Variants in CFAP210 observed in about 807,000 individuals in gnomAD.
CFAP210 encodes cilia and flagella associated protein 210.
At chr2:169,664,820 C>T in the CFAP210 span, among the ~76,000 whole-genome samples, 10 of 152,178 alleles carry the variant, frequency 6.6e-5, no homozygotes, top group Non-Finnish European at 1.3e-4. Context: ...TCCTTGCTAT[C>T]CTTGATTCAC....
chr2:169,669,439 A>G, the CFAP210 span, among the ~76,000 whole-genome samples: 3 of 152,222 alleles, frequency 2.0e-5, no homozygotes, highest in Non-Finnish European at 2.9e-5. Context: ...TCATCTTGAT[A>G]AAATATCTCT....
the CFAP210 span, among the ~76,000 whole-genome samples, chr2:169,655,832 C>G: frequency 0.24 from 36,722 of 152,038 alleles, 4,645 homozygotes; most frequent in Non-Finnish European, 0.27. Context: ...TTAAAATTTT[C>G]ATAGCTAAAA....
chr2:169,686,373 G>GT, the CFAP210 span, among the ~76,000 whole-genome samples: 1 of 152,184 alleles, frequency 6.6e-6, no homozygotes, highest in Admixed American at 6.5e-5. Context: ...TGTGTTGAAT[G>GT]TGTAGATCAA....
the CFAP210 span, among the ~76,000 whole-genome samples, chr2:169,688,867 C>T: frequency 6.6e-6 from 1 of 152,228 alleles, no homozygotes; most frequent in East Asian, 1.9e-4. Flanking sequence ...TTTCAGTTAT[C>T]TTTTCAGCAA....
At chr2:169,654,399 A>G in the CFAP210 span, among the ~76,000 whole-genome samples, 1 of 152,232 alleles carries the variant, frequency 6.6e-6, no homozygotes, top group South Asian at 2.1e-4. Flanking sequence ...AATTTATCTC[A>G]AAGTTATTTA....
chr2:169,674,566 G>T, the CFAP210 span: 1 of 1,572,694 alleles, frequency 6.4e-7, no homozygotes, highest in South Asian at 1.2e-5. Context: ...GGTATTTTAT[G>T]TATACATACT....
At chr2:169,688,031 C>T in the CFAP210 span, among the ~76,000 whole-genome samples, 1 of 152,354 alleles carries the variant, frequency 6.6e-6, no homozygotes, top group South Asian at 2.1e-4. Flanking sequence ...ACAGCATGAG[C>T]TCTACATTGG....
the CFAP210 span, among the ~76,000 whole-genome samples, chr2:169,693,434 T>G: frequency 3.3e-5 from 5 of 152,356 alleles, no homozygotes; most frequent in African/African-American, 1.2e-4. Context: ...GCTAACCTCA[T>G]AAAACCTCCA....
At chr2:169,688,305 C>T in the CFAP210 span, among the ~76,000 whole-genome samples, 2 of 152,176 alleles carry the variant, frequency 1.3e-5, no homozygotes, top group Non-Finnish European at 2.9e-5. Context: ...ACTGGTTTTT[C>T]TTTTCTATTG....
At chr2:169,669,206 G>A in the CFAP210 span, among the ~76,000 whole-genome samples, 6,950 of 152,192 alleles carry the variant, frequency 0.046, 544 homozygotes, top group African/African-American at 0.16. Flanking sequence ...AGACCATAGA[G>A]AAAACATGAG....
chr2:169,655,435 T>C, the CFAP210 span, among the ~76,000 whole-genome samples: 36,741 of 152,208 alleles, frequency 0.24, 4,653 homozygotes, highest in Non-Finnish European at 0.27. Context: ...TATGGGTTAA[T>C]TTTAAAAGCC....
chr2:169,660,891 C>T, the CFAP210 span: 1 of 371,466 alleles, frequency 2.7e-6, no homozygotes, highest in South Asian at 2.2e-5. Flanking sequence ...GCATGAGCCA[C>T]TACGCCTGGC....
the CFAP210 span, among the ~76,000 whole-genome samples, chr2:169,648,826 C>G: frequency 6.6e-6 from 1 of 152,148 alleles, no homozygotes; most frequent in African/African-American, 2.4e-5. Context: ...TCTGATATCT[C>G]CATTCCTCAA....
At chr2:169,661,401 G>C in the CFAP210 span, 1 of 375,108 alleles carries the variant, frequency 2.7e-6, no homozygotes, top group Non-Finnish European at 5.1e-6. Context: ...TCCTCCTCTT[G>C]AACCTCCAAG....
the CFAP210 span, chr2:169,658,789 C>A: frequency 2.9e-4 from 85 of 289,192 alleles, no homozygotes; most frequent in African/African-American, 1.8e-3. Context: ...TACCGGAGAG[C>A]ATTTAGAAGA....
the CFAP210 span, among the ~76,000 whole-genome samples, chr2:169,652,974 T>C: frequency 9.9e-6 from 1 of 101,438 alleles, no homozygotes; most frequent in Non-Finnish European, 1.8e-5. Context: ...CACTCCAGCC[T>C]GGGCGACAGA....
the CFAP210 span, among the ~76,000 whole-genome samples, chr2:169,647,558 T>C: frequency 0.057 from 6,698 of 117,626 alleles, 209 homozygotes; most frequent in East Asian, 0.18. Context: ...TCAAGTATTC[T>C]GTTTTTTTCT....
At chr2:169,658,805 T>C in the CFAP210 span, 1 of 285,344 alleles carries the variant, frequency 3.5e-6, no homozygotes, top group Non-Finnish European at 6.8e-6. Context: ...GAAGATATTT[T>C]ACACTATTAG....
the CFAP210 span, chr2:169,674,651 G>GA: frequency 6.2e-7 from 1 of 1,608,732 alleles, no homozygotes; most frequent in South Asian, 1.1e-5. Flanking sequence ...TTCTTTAAAA[G>GA]CTTTTTCAAT....
Sources: allele counts gnomAD v4.1 joint callset (sites outside exome capture counted in the v4.1 genomes callset), GRCh38; gene constraint gnomAD v4.1.1; transcripts MANE v1.5; gene names NCBI Gene and HGNC (gene_info 2026-07-23, HGNC 2026-07-21).